RHOBTB1: variants seen among roughly 807,000 people sequenced by gnomAD.
RHOBTB1 encodes Rho related BTB domain containing 1, also known as rho-related BTB domain-containing protein 1.
A neutral mutation model predicts 71.6 loss-of-function variants in RHOBTB1; 40 were observed. That is an observed-to-expected ratio of 0.56 (90% CI 0.43 to 0.73). RHOBTB1 has a LOEUF of 0.73. Among genes scored for constraint, RHOBTB1 ranks in the 30% least tolerant of loss-of-function variants. The pLI, the probability that RHOBTB1 is intolerant of heterozygous loss-of-function variation, is 0.00. For missense variants in RHOBTB1, 797 were observed against 894.0 expected (o/e 0.89, Z 1.38); for synonymous variants, 319 against 334.9 (o/e 0.95, Z 0.52).
chr10:60,864,767 A>C (rs1328161415), downstream of RHOBTB1, among the ~76,000 whole-genome samples: 1 of 151,428 alleles, frequency 6.6e-6, no homozygotes, highest in Admixed American at 6.6e-5. Flanking sequence ...ATCTCGGCTC[A>C]CTGCAACCTC....
At chr10:60,942,881 A>G (rs2084979517) in intron 1 of RHOBTB1, among the ~76,000 whole-genome samples, 1 of 147,796 alleles carries the variant, frequency 6.8e-6, no homozygotes, top group Admixed American at 6.7e-5. Context: ...TTCTGTTTAG[A>G]GTATGTTAGT....
intron 4 of RHOBTB1, among the ~76,000 whole-genome samples, chr10:60,908,703 T>C (rs1411048863): frequency 6.6e-6 from 1 of 152,230 alleles, no homozygotes; most frequent in Admixed American, 6.5e-5. Context: ...GTCAATGTGA[T>C]ATTACATATT....
chr10:60,944,091 C>T lies in RHOBTB1; in HGVS notation c.-182G>A, dbSNP rs2085089797. The stretch of plus-strand genomic sequence containing the variant: ...GTCGCGGGTGTGCGGGGCCCCTGCG[C>T]GCGGCGCGCCGCCCGCCGCCCAACT... On this transcript the variant is annotated 5_prime_UTR_variant, in exon 1 of 11. Transcript: ENST00000337910. 1 of 151,702 alleles carries T rather than the reference C, an allele frequency of 6.6e-6. No homozygotes were observed. Among genetic ancestry groups the T allele is most frequent in the Non-Finnish European group, 1.5e-5 (1 of 67,956 alleles). 9.4% of individuals were successfully genotyped at this position (151,702 alleles called of 1,614,324 possible).
chr10:61,001,383 G>C (rs1304818989), intron 1 of RHOBTB1: 2 of 151,090 alleles, frequency 1.3e-5, no homozygotes, highest in East Asian at 4.0e-4. Context: ...GCCACGCCCC[G>C]CGACGCCCGC....
chr10:60,953,602 A>C (rs2085485714), intron 2 of RHOBTB1, among the ~76,000 whole-genome samples: 1 of 152,156 alleles, frequency 6.6e-6, no homozygotes, highest in Non-Finnish European at 1.5e-5. Flanking sequence ...GAAATCTATC[A>C]CACCTGTTGT....
At chr10:60,969,037 A>C (rs1475015889) in intron 2 of RHOBTB1, among the ~76,000 whole-genome samples, 2 of 152,126 alleles carry the variant, frequency 1.3e-5, no homozygotes, top group African/African-American at 4.8e-5. Flanking sequence ...TGCTAGTTAA[A>C]TTTACAGCTG....
intron 2 of RHOBTB1, among the ~76,000 whole-genome samples, chr10:60,976,232 GA>G (rs1245420108): frequency 1.3e-5 from 2 of 151,780 alleles, no homozygotes; most frequent in African/African-American, 4.8e-5. Context: ...TACATGGAAG[GA>G]TTTTTTAAAG....
At chr10:60,929,779 AC>A (rs2084124470) in intron 2 of RHOBTB1, among the ~76,000 whole-genome samples, 1 of 152,242 alleles carries the variant, frequency 6.6e-6, no homozygotes, top group Non-Finnish European at 1.5e-5. Context: ...AATATATGGA[AC>A]AAAAAATCAG....
intron 4 of RHOBTB1, among the ~76,000 whole-genome samples, chr10:60,898,640 G>A (rs931545772): frequency 2.0e-5 from 3 of 152,158 alleles, no homozygotes; most frequent in African/African-American, 7.2e-5. Context: ...GCAGTGCCCT[G>A]GATGTGAGCA....
Position 60,889,198 on chromosome 10 carries a change from AT to A in RHOBTB1, c.483-14del, listed in dbSNP as rs1397887394. The stretch of plus-strand genomic sequence containing the variant: ...TCTCTTTATGGGCCTGAAATAGAAC[AT>A]TTTAAAAATTATAATCAGCCTTGTT... On this transcript the variant is annotated splice_polypyrimidine_tract_variant and intron_variant, in intron 5 of 10. Coordinates refer to ENST00000337910, the MANE Select transcript of RHOBTB1 (RefSeq NM_014836.5). 6.3e-7 allele frequency: 1 copy of A among 1,579,236 alleles called. No homozygotes were observed. Among genetic ancestry groups the A allele is most frequent in the Non-Finnish European group, 8.6e-7 (1 of 1,166,800 alleles).
intron 2 of RHOBTB1, among the ~76,000 whole-genome samples, chr10:60,915,368 A>T (rs1399320079): frequency 6.6e-6 from 1 of 152,086 alleles, no homozygotes; most frequent in Non-Finnish European, 1.5e-5. Flanking sequence ...AAATGTCATC[A>T]CTATAAATCC....
At chr10:60,965,174 A>G (rs981375319) in intron 2 of RHOBTB1, among the ~76,000 whole-genome samples, 1 of 152,076 alleles carries the variant, frequency 6.6e-6, no homozygotes, top group African/African-American at 2.4e-5. Context: ...GAAGACAAAT[A>G]TTATAGCAGC....
At chr10:60,963,679 A>G (rs2085861728) in intron 2 of RHOBTB1, among the ~76,000 whole-genome samples, 1 of 152,138 alleles carries the variant, frequency 6.6e-6, no homozygotes, top group African/African-American at 2.4e-5. Flanking sequence ...CATTTGTAAA[A>G]GGAGTAATGG....
At chr10:60,895,893 C>T (rs1393664733) in intron 4 of RHOBTB1, among the ~76,000 whole-genome samples, 1 of 152,250 alleles carries the variant, frequency 6.6e-6, no homozygotes, top group Non-Finnish European at 1.5e-5. Context: ...AATCAATGGA[C>T]GCAGTGACAG....
chr10:60,991,874 T>C (rs1401230719), intron 1 of RHOBTB1, among the ~76,000 whole-genome samples: 3 of 152,188 alleles, frequency 2.0e-5, no homozygotes, highest in African/African-American at 7.2e-5. Flanking sequence ...CTCTCTTTTG[T>C]AGCACTTAGA....
chr10:60,898,944 T>C (rs1564862214), intron 4 of RHOBTB1, among the ~76,000 whole-genome samples: 2 of 152,150 alleles, frequency 1.3e-5, no homozygotes, highest in African/African-American at 4.8e-5. Context: ...TTGAAAGCAA[T>C]GGCAAAAACC....
At chr10:60,961,473 T>C (rs1431497014) in intron 2 of RHOBTB1, among the ~76,000 whole-genome samples, 3 of 152,142 alleles carry the variant, frequency 2.0e-5, no homozygotes, top group African/African-American at 4.8e-5. Context: ...CATGAACATA[T>C]AAGTAGGCTG....
upstream of RHOBTB1, among the ~76,000 whole-genome samples, chr10:60,944,434 G>C (rs996596533): frequency 6.6e-6 from 1 of 152,174 alleles, no homozygotes; most frequent in Non-Finnish European, 1.5e-5. Context: ...AAGGTTCCTC[G>C]GCTCTACGCA....
At chr10:60,990,439 G>T (rs2086824200) in intron 1 of RHOBTB1, among the ~76,000 whole-genome samples, 1 of 152,126 alleles carries the variant, frequency 6.6e-6, no homozygotes, top group South Asian at 2.1e-4. Context: ...TCTCAAACAG[G>T]CAGGACGACA....
Sources: gnomAD v4.1 joint callset for allele counts (sites outside exome capture counted in the v4.1 genomes callset) on GRCh38, gnomAD v4.1.1 for gene constraint, MANE v1.5 for transcripts, NCBI Gene and HGNC (gene_info 2026-07-23, HGNC 2026-07-21) for gene names.